The following PTPRN2 variants were observed in gnomAD, a reference collection of about 807,000 sequenced individuals.
PTPRN2 encodes the protein receptor-type tyrosine-protein phosphatase N2.
A neutral mutation model predicts 118.8 loss-of-function variants in PTPRN2; 74 were observed. The ratio of observed to expected loss-of-function variants is 0.62; its 90% CI spans 0.52 to 0.76. The LOEUF (loss-of-function observed/expected upper bound fraction) is 0.76, where lower values mean the gene tolerates loss of function less well. Ranked by LOEUF, PTPRN2 falls within the 30% of genes least tolerant of loss-of-function variation. The pLI, the probability that PTPRN2 is intolerant of heterozygous loss-of-function variation, is 0.00. For synonymous variants in PTPRN2, 641 were observed against 608.0 expected, an observed-to-expected ratio of 1.05 and a Z score of -0.80; for missense variants, 1,481 against 1,394.4, an observed-to-expected ratio of 1.06 and a Z score of -0.99.
At chr7:158,479,694 C>T (rs1820525281) in intron 2 of PTPRN2, among the ~76,000 whole-genome samples, 1 of 152,246 alleles carries the variant, frequency 6.6e-6, no homozygotes, top group Non-Finnish European at 1.5e-5. Context: ...ACTCAGAGAG[C>T]CTGGAAATGC....
intron 10 of PTPRN2, among the ~76,000 whole-genome samples, chr7:158,086,014 C>T (rs1479246235): frequency 6.6e-6 from 1 of 152,232 alleles, no homozygotes; most frequent in African/African-American, 2.4e-5. Context: ...ACATTGTAAC[C>T]ACGTGTCCCG....
Position 158,356,787 on chromosome 7 carries a change from T to TTA in PTPRN2, c.164-39856_164-39855insTA, listed in dbSNP as rs1554476715. Reference sequence around the variant, plus strand: ...TAACAAAGCAAAAGGTGAAAAGAGCTAAAAAAAAAAAAGTAGAAATAATTT... The same window carrying TTA: ...TAACAAAGCAAAAGGTGAAAAGAGCTTAAAAAAAAAAAAAGTAGAAATAATTT... On this transcript the variant is annotated intron_variant, in intron 2 of 22. Transcript: ENST00000389418. Among the ~76,000 whole-genome samples the TTA allele has an allele frequency of 8.5e-4, 126 of 148,600 alleles. 4 individuals are homozygous for TTA. In the South Asian group the frequency reaches 0.026, roughly 31 times the overall value.
chr7:157,891,257 T>C (rs1796781086), intron 12 of PTPRN2, among the ~76,000 whole-genome samples: 1 of 152,062 alleles, frequency 6.6e-6, no homozygotes, highest in Non-Finnish European at 1.5e-5. Flanking sequence ...AGCAACCGGG[T>C]AGGAGCTGTG....
chr7:158,414,120 A>G (rs1008713192), intron 2 of PTPRN2, among the ~76,000 whole-genome samples: 8 of 150,160 alleles, frequency 5.3e-5, no homozygotes, highest in African/African-American at 2.0e-4. Flanking sequence ...GTGTTCCAGC[A>G]GGGGGAGAAC....
At chr7:158,363,313 T>C (rs1225342573) in intron 2 of PTPRN2, among the ~76,000 whole-genome samples, 9 of 151,964 alleles carry the variant, frequency 5.9e-5, no homozygotes, top group Non-Finnish European at 1.2e-4. Flanking sequence ...GCAGAGGCCC[T>C]GAGAAGCTAT....
intron 6 of PTPRN2, among the ~76,000 whole-genome samples, chr7:158,150,778 C>T (rs1028531291): frequency 4.6e-5 from 7 of 151,882 alleles, no homozygotes; most frequent in Non-Finnish European, 7.4e-5. Flanking sequence ...TCTGCAGCAC[C>T]GCGACCCAGC....
At chr7:158,355,059 T>C (rs895849056) in intron 2 of PTPRN2, among the ~76,000 whole-genome samples, 2 of 151,666 alleles carry the variant, frequency 1.3e-5, no homozygotes, top group African/African-American at 2.4e-5. Context: ...CCAAGAATAC[T>C]GTATCCAGCA....
At chr7:158,272,385 C>T (rs151020519) in intron 3 of PTPRN2, among the ~76,000 whole-genome samples, 330 of 152,312 alleles carry the variant, frequency 2.2e-3, no homozygotes, top group African/African-American at 7.6e-3. Context: ...TGGGTCCCAA[C>T]GTCACTGTCT....
intron 2 of PTPRN2, among the ~76,000 whole-genome samples, chr7:158,471,662 TG>T (rs1403797513): frequency 6.6e-6 from 1 of 151,742 alleles, no homozygotes; most frequent in Non-Finnish European, 1.5e-5. Context: ...CACTCCAGCC[TG>T]GGGGACAGAG....
rs1161001772 is a variant in PTPRN2 at position 157,725,138 on chromosome 7, T to A, written c.1789-42201A>T. ...AACAGGTGGTTCTGGGAGAACTGGA[T>A]ATCTACACGCAGAGGAGTGAGCCAG... On this transcript the variant is annotated intron_variant, in intron 12 of 22. Transcript: ENST00000389418. Among the ~76,000 whole-genome samples the A allele has an allele frequency of 3.3e-5, 5 of 151,366 alleles. No individual in the cohort carries two copies. In the East Asian group the frequency reaches 9.7e-4, roughly 29 times the overall value.
At chr7:158,172,173 C>T (rs747265515) in intron 5 of PTPRN2, among the ~76,000 whole-genome samples, 1 of 152,224 alleles carries the variant, frequency 6.6e-6, no homozygotes, top group Non-Finnish European at 1.5e-5. Context: ...CACTGAAAGA[C>T]TGGCCCAATC....
At chr7:158,074,883 G>T (rs1812225428) in intron 11 of PTPRN2, among the ~76,000 whole-genome samples, 1 of 152,216 alleles carries the variant, frequency 6.6e-6, no homozygotes, top group Admixed American at 6.5e-5. Context: ...AACCCCCTCT[G>T]TGTAAAAATA....
In PTPRN2 at chr7:157,603,917, T is replaced by A; in HGVS notation, c.2418+85A>T. 6.0e-6 allele frequency: 8 copies of A among 1,326,678 alleles called. No homozygotes were observed. The highest frequency in any genetic ancestry group is 8.6e-6 in the Non-Finnish European group (8 of 935,504). The allele number at this position is 1,326,678 out of a possible 1,614,324, so 82.2% of individuals were successfully genotyped here. Reference sequence around the variant, plus strand: ...CGCTGAGCTGGGTGGGGACGTGATTTCCCCCGAGAACCTTCCCACGTGATT... The same window carrying A: ...CGCTGAGCTGGGTGGGGACGTGATTACCCCCGAGAACCTTCCCACGTGATT... On this transcript the variant is annotated intron_variant, in intron 16 of 22. Coordinates refer to ENST00000389418, the MANE Select transcript of PTPRN2 (RefSeq NM_002847.5). This position sits in a 1 kb window ranked among gnomAD's most constrained non-coding sequence, Gnocchi z 5.4.
At position 157,676,456 on chromosome 7, in the gene PTPRN2, A is replaced by T. The variant is rs1234286672; in HGVS notation, c.2001+6269T>A. Among the ~76,000 whole-genome samples, 8 of 152,190 alleles carry T rather than the reference A, an allele frequency of 5.3e-5. No homozygotes were observed. The highest frequency in any genetic ancestry group is 1.2e-4 in the Non-Finnish European group (8 of 68,032). On this transcript the variant is annotated intron_variant, in intron 13 of 22. Transcript: ENST00000389418. The surrounding 1 kb of genome is among the most constrained non-coding windows in gnomAD (Gnocchi z 5.6). ...GGTTCACTTTCATTGCAAACTCCTC[A>T]TCTCCAAGAAATCATCAACCGAGAA... is the stretch of plus-strand genomic sequence containing the variant.
rs967437816 is a variant in PTPRN2, at chr7:158,504,312, G to A, written c.113-14527C>T. On this transcript the variant is annotated intron_variant, in intron 1 of 22. Coordinates refer to ENST00000389418, the MANE Select transcript of PTPRN2 (RefSeq NM_002847.5). ...AGCATCCCCTCACCTGGGTATTTAG[G>A]CCAGCGTCCATTAGCAATTATTCCT... 2.6e-5 allele frequency among the ~76,000 whole-genome samples: 4 copies of A among 152,188 alleles called. No homozygotes were observed. In the East Asian group the frequency reaches 7.7e-4, roughly 29 times the overall value.
chr7:157,741,567 C>T (rs1036686320), intron 12 of PTPRN2, among the ~76,000 whole-genome samples: 7 of 152,238 alleles, frequency 4.6e-5, no homozygotes, highest in Non-Finnish European at 7.3e-5. Context: ...CTCTCTTCCT[C>T]ACCTCTCTCT....
intron 2 of PTPRN2, among the ~76,000 whole-genome samples, chr7:158,406,617 G>A (rs1330755244): frequency 6.6e-6 from 1 of 152,210 alleles, no homozygotes; most frequent in African/African-American, 2.4e-5. Flanking sequence ...CTCTCCCGCG[G>A]ACCTGAGTCC....
Position 157,869,704 on chromosome 7 carries a change from C to T in PTPRN2, c.1788+28969G>A, listed in dbSNP as rs57670040. On this transcript the variant is annotated intron_variant, in intron 12 of 22. Transcript: ENST00000389418. The surrounding 1 kb of genome is among the most constrained non-coding windows in gnomAD (Gnocchi z 4.2). ...AGGGGGATGCCTCATGAGTTCTCAT[C>T]GGAACTCTTGCTAAATTGCCCGTGT... 0.024 allele frequency among the ~76,000 whole-genome samples: 3,689 copies of T among 152,210 alleles called. 121 individuals carry two copies. Among genetic ancestry groups the T allele is most frequent in the African/African-American group, 0.081 (3,362 of 41,496 alleles).
chr7:157,955,807 C>G (rs903049022), intron 11 of PTPRN2, among the ~76,000 whole-genome samples: 10 of 152,180 alleles, frequency 6.6e-5, no homozygotes, highest in African/African-American at 1.9e-4. Flanking sequence ...GGGTGTGGAA[C>G]AGTTTGCACC....
Sources: gnomAD v4.1 joint callset for allele counts (sites outside exome capture counted in the v4.1 genomes callset) on GRCh38, gnomAD v4.1.1 for gene constraint, Gnocchi (gnomAD v3.1) non-coding constraint, MANE v1.5 for transcripts, NCBI Gene and HGNC (gene_info 2026-07-23, HGNC 2026-07-21) for gene names.